The following EFNA5 variants were observed in gnomAD, a reference collection of about 807,000 sequenced individuals.
The protein encoded by EFNA5 is ephrin A5.
Under a neutral mutation model 22.9 loss-of-function variants are expected in EFNA5, and 5 were observed. The observed-to-expected ratio is 0.22, with a 90% CI of 0.11 to 0.46. The LOEUF is 0.46. Ranked by LOEUF, EFNA5 falls within the 20% of genes least tolerant of loss-of-function variation. The pLI, the probability that EFNA5 is intolerant of heterozygous loss-of-function variation, is 0.99. For synonymous variants in EFNA5, 113 were observed against 112.2 expected (o/e 1.01, Z -0.04); for missense variants, 237 against 293.3 (o/e 0.81, Z 1.40).
chr5:107,445,092 G>A (rs575928021), intron 1 of EFNA5, among the ~76,000 whole-genome samples: 1 of 151,998 alleles, frequency 6.6e-6, no homozygotes, highest in Admixed American at 6.6e-5. Flanking sequence ...GTGTGATTTC[G>A]GCTCACTGCA....
intron 1 of EFNA5, among the ~76,000 whole-genome samples, chr5:107,654,367 T>C (rs1038629256): frequency 2.0e-5 from 3 of 152,146 alleles, no homozygotes; most frequent in Non-Finnish European, 4.4e-5. Context: ...TAAAGGTCAA[T>C]TGCCATAGAA....
intron 1 of EFNA5, among the ~76,000 whole-genome samples, chr5:107,622,070 G>A (rs543645692): frequency 6.6e-6 from 1 of 151,944 alleles, no homozygotes; most frequent in East Asian, 1.9e-4. Context: ...AATTTTATAG[G>A]TTATTTCCCC....
At chr5:107,583,169 A>G (rs1042986291) in intron 1 of EFNA5, among the ~76,000 whole-genome samples, 1 of 152,216 alleles carries the variant, frequency 6.6e-6, no homozygotes, top group African/African-American at 2.4e-5. Flanking sequence ...TCTAACAAAA[A>G]GTGAGAGGAA....
intron 2 of EFNA5, among the ~76,000 whole-genome samples, chr5:107,401,429 A>G (rs1421291361): frequency 6.6e-6 from 1 of 152,196 alleles, no homozygotes; most frequent in African/African-American, 2.4e-5. Flanking sequence ...TATTTGGTGT[A>G]ACTCATATTT....
intron 1 of EFNA5, among the ~76,000 whole-genome samples, chr5:107,669,986 G>GCT (rs1453146186): frequency 6.7e-6 from 1 of 149,244 alleles, no homozygotes; most frequent in East Asian, 2.0e-4. Context: ...CAGCCCGTGC[G>GCT]CTCTCTCTGC....
chr5:107,381,003 T>G lies in EFNA5; in HGVS notation c.*252A>C. 1 of 474,166 alleles carries G rather than the reference T, an allele frequency of 2.1e-6. No individual in the cohort carries two copies. Among genetic ancestry groups the G allele is most frequent in the Non-Finnish European group, 3.7e-6 (1 of 273,812 alleles). 29.4% of individuals were successfully genotyped at this position (474,166 alleles called of 1,614,324 possible). A position where few individuals can be genotyped will look rare whatever the true frequency, so the allele number is the denominator to read the frequency against. The stretch of plus-strand genomic sequence containing the variant: ...TTGGCATTTTCATCTGGAGTCCATT[T>G]AATTTGGGAGGGGTGAGAGAAGCCA... On this transcript the variant is annotated 3_prime_UTR_variant, in exon 5 of 5. Transcript: ENST00000333274.
intron 1 of EFNA5, among the ~76,000 whole-genome samples, chr5:107,594,083 A>G (rs2112506670): frequency 6.6e-6 from 1 of 152,308 alleles, no homozygotes; most frequent in Admixed American, 6.5e-5. Flanking sequence ...TGAATGGAAA[A>G]AAGGCATCTT....
At chr5:107,468,203 G>A (rs1207497705) in intron 1 of EFNA5, among the ~76,000 whole-genome samples, 1 of 152,100 alleles carries the variant, frequency 6.6e-6, no homozygotes. Flanking sequence ...CCTTTGTTTT[G>A]TCAGAAGGAA....
At chr5:107,640,846 G>T (rs1489175546) in intron 1 of EFNA5, among the ~76,000 whole-genome samples, 1 of 152,278 alleles carries the variant, frequency 6.6e-6, no homozygotes, top group East Asian at 1.9e-4. Flanking sequence ...AACAACCTGG[G>T]TGTCTCTCCT....
intron 2 of EFNA5, 71 bp from the exon 3 acceptor site, chr5:107,387,842 T>A: frequency 9.4e-7 from 1 of 1,061,334 alleles, no homozygotes. Context: ...CATTTTCACA[T>A]ACAAATGATG....
intron 1 of EFNA5, among the ~76,000 whole-genome samples, chr5:107,638,314 G>C (rs1248463863): frequency 6.6e-6 from 1 of 152,090 alleles, no homozygotes; most frequent in Non-Finnish European, 1.5e-5. Context: ...CTCATAGAGA[G>C]AGAGTAAAAA....
At chr5:107,612,113 G>C (rs1749828624) in intron 1 of EFNA5, among the ~76,000 whole-genome samples, 1 of 152,080 alleles carries the variant, frequency 6.6e-6, no homozygotes. Flanking sequence ...ATTCTACCAT[G>C]TCTCAAATAG....
chr5:107,594,021 T>G (rs1257005320), intron 1 of EFNA5, among the ~76,000 whole-genome samples: 4 of 152,236 alleles, frequency 2.6e-5, no homozygotes, highest in Non-Finnish European at 1.5e-5. Flanking sequence ...AGTCAAGGTA[T>G]GTGCTTGTTC....
intron 2 of EFNA5, among the ~76,000 whole-genome samples, chr5:107,394,709 ATT>A (rs1747876079): frequency 6.6e-6 from 1 of 152,172 alleles, no homozygotes. Flanking sequence ...CCTGAGTATT[ATT>A]TAAATTCCAG....
At chr5:107,505,237 A>G (rs1747224898) in intron 1 of EFNA5, among the ~76,000 whole-genome samples, 1 of 152,224 alleles carries the variant, frequency 6.6e-6, no homozygotes, top group Admixed American at 6.5e-5. Context: ...TGTTCATTAT[A>G]TGAATGGCAA....
At chr5:107,585,745 T>A (rs1213179160) in intron 1 of EFNA5, among the ~76,000 whole-genome samples, 1 of 152,236 alleles carries the variant, frequency 6.6e-6, no homozygotes, top group Non-Finnish European at 1.5e-5. Flanking sequence ...AAGATAATTC[T>A]CTTTCCATGA....
intron 1 of EFNA5, among the ~76,000 whole-genome samples, chr5:107,665,547 G>A (rs896169361): frequency 6.6e-5 from 10 of 152,188 alleles, no homozygotes; most frequent in African/African-American, 2.2e-4. Context: ...AACTACTGAA[G>A]ACTCTGATAC....
rs6887330 is a variant in EFNA5, at chr5:107,626,767, C to T, written c.125+43722G>A. ...GACTGTTTCAGCATTATTTTCAGTACATTTAGATTTAAGTTTGGTTTTGAT... is the reference window on the plus strand; with the variant it reads ...GACTGTTTCAGCATTATTTTCAGTATATTTAGATTTAAGTTTGGTTTTGAT... On this transcript the variant is annotated intron_variant, in intron 1 of 4. Transcript: ENST00000333274. 4.5e-3 allele frequency among the ~76,000 whole-genome samples: 685 copies of T among 152,234 alleles called. 9 individuals are homozygous for T. Among genetic ancestry groups the T allele is most frequent in the African/African-American group, 0.014 (600 of 41,530 alleles).
intron 1 of EFNA5, among the ~76,000 whole-genome samples, chr5:107,437,296 G>A (rs1362710660): frequency 6.6e-6 from 1 of 152,202 alleles, no homozygotes; most frequent in African/African-American, 2.4e-5. Context: ...ATACAAAACT[G>A]TAGACAATAA....
Sources: allele counts gnomAD v4.1 joint callset (sites outside exome capture counted in the v4.1 genomes callset), GRCh38; gene constraint gnomAD v4.1.1; transcripts MANE v1.5; gene names NCBI Gene and HGNC (gene_info 2026-07-23, HGNC 2026-07-21).